Variants in EXTL3 observed in about 807,000 individuals in gnomAD.
EXTL3 encodes the protein exostosin like glycosyltransferase 3.
In EXTL3, 27 loss-of-function variants were observed where a neutral mutation model predicts 69.3. The ratio of observed to expected loss-of-function variants is 0.39; its 90% confidence interval spans 0.29 to 0.54. The LOEUF is 0.54. Ranked by LOEUF, EXTL3 falls within the 20% of genes least tolerant of loss-of-function variation. EXTL3 has a pLI of 0.69. For missense variants in EXTL3, 1,003 were observed against 1,231.8 expected, an observed-to-expected ratio of 0.81 and a Z score of 2.78; for synonymous variants, 511 against 499.4, an observed-to-expected ratio of 1.02 and a Z score of -0.31.
At chr8:28,738,418 C>T (rs901253360) in intron 5 of EXTL3, among the ~76,000 whole-genome samples, 7 of 152,214 alleles carry the variant, frequency 4.6e-5, no homozygotes, top group Non-Finnish European at 7.3e-5. Flanking sequence ...TCTTGAAATG[C>T]AGTTAGTTTG....
At chr8:28,675,980 C>T (rs1468257793) in intron 1 of EXTL3, among the ~76,000 whole-genome samples, 1 of 141,020 alleles carries the variant, frequency 7.1e-6, no homozygotes, top group East Asian at 2.1e-4. Flanking sequence ...CAAGATCATG[C>T]CACTGCTCTC....
chr8:28,684,283 A>C (rs945362983), intron 1 of EXTL3, among the ~76,000 whole-genome samples: 9 of 152,002 alleles, frequency 5.9e-5, no homozygotes, highest in African/African-American at 2.2e-4. Flanking sequence ...CTTTCTTTTG[A>C]GTATATACCC....
chr8:28,652,467 C>T (rs1806939406), intron 1 of EXTL3, among the ~76,000 whole-genome samples: 1 of 151,658 alleles, frequency 6.6e-6, no homozygotes, highest in East Asian at 1.9e-4. Context: ...GGCCAGCCTG[C>T]GCAACACAGG....
At chr8:28,646,888 C>T (rs2130595284) in intron 1 of EXTL3, among the ~76,000 whole-genome samples, 1 of 152,290 alleles carries the variant, frequency 6.6e-6, no homozygotes, top group East Asian at 1.9e-4. Flanking sequence ...CAACAAATTA[C>T]AGCTAAGTGC....
In EXTL3 at chr8:28,617,165, A is replaced by C. The variant is rs374630774; in HGVS notation, n.314+9407A>C. ...TTGCCCTGTCCTACTCATGCCAAAA[A>C]TTTCACCATGAATGAGTCATACCTG... On this transcript the variant is annotated intron_variant and non_coding_transcript_variant, in intron 2 of 4. Coordinates refer to the EXTL3 transcript ENST00000522725. 5.9e-4 allele frequency among the ~76,000 whole-genome samples: 90 copies of C among 152,236 alleles called. 4 individuals are homozygous for C. In the Middle Eastern group the frequency reaches 0.017, roughly 29 times the overall value.
At chr8:28,747,968 TC>T in intron 6 of EXTL3, among the ~76,000 whole-genome samples, 1 of 152,238 alleles carries the variant, frequency 6.6e-6, no homozygotes, top group African/African-American at 2.4e-5. Context: ...GCTCAAGTGA[TC>T]CGCCCACCTT....
chr8:28,617,797 TCAA>T (rs1237622582), upstream of EXTL3, among the ~76,000 whole-genome samples: 3 of 151,438 alleles, frequency 2.0e-5, no homozygotes, highest in African/African-American at 7.3e-5. Flanking sequence ...AAAACCAAAA[TCAA>T]CAACAATAAA....
chr8:28,656,920 C>G (rs908698197), intron 1 of EXTL3, among the ~76,000 whole-genome samples: 2 of 142,322 alleles, frequency 1.4e-5, no homozygotes, highest in South Asian at 2.2e-4. Context: ...TTCACACTCT[C>G]TCTCTCTCTT....
chr8:28,669,892 T>G (rs58176309), intron 1 of EXTL3, among the ~76,000 whole-genome samples: 4,186 of 152,178 alleles, frequency 0.028, 142 homozygotes, highest in African/African-American at 0.079. Flanking sequence ...TGTACTGAGA[T>G]GCCAGGTTGC....
chr8:28,740,123 T>A (rs997253515), intron 5 of EXTL3: 7 of 152,126 alleles, frequency 4.6e-5, no homozygotes, highest in African/African-American at 1.7e-4. Flanking sequence ...CTTCTAAAAA[T>A]CACAAGATTT....
intron 4 of EXTL3, among the ~76,000 whole-genome samples, chr8:28,733,175 ATG>A (rs1046134663): frequency 3.3e-5 from 5 of 151,920 alleles, no homozygotes; most frequent in Non-Finnish European, 7.4e-5. Flanking sequence ...CCTAAGAGTA[ATG>A]TGGGTGGATC....
chr8:28,638,432 C>T (rs187780650), intron 1 of EXTL3, among the ~76,000 whole-genome samples: 138 of 152,278 alleles, frequency 9.1e-4, no homozygotes, highest in African/African-American at 3.2e-3. Context: ...AAAGTAAGGT[C>T]GTCATGCTCA....
At position 28,751,063 on chromosome 8, in the gene EXTL3, G is replaced by A. The variant is rs577132949; in HGVS notation, c.*197G>A. Reference sequence around the variant, plus strand: ...CACACTGGGCCTGGAGCCCTGGGCGGAGTCCCCGGGGTTCCCCACACAGGG... The same window carrying A: ...CACACTGGGCCTGGAGCCCTGGGCGAAGTCCCCGGGGTTCCCCACACAGGG... On this transcript the variant is annotated 3_prime_UTR_variant, in exon 7 of 7. Transcript: ENST00000220562. The A allele has an allele frequency of 1.7e-6, 1 of 599,220 alleles. No individual in the cohort carries two copies. Among genetic ancestry groups the A allele is most frequent in the South Asian group, 2.0e-5 (1 of 50,706 alleles). 37.1% of individuals were successfully genotyped at this position (599,220 alleles called of 1,614,324 possible).
chr8:28,725,187 A>G (rs1801387972), intron 3 of EXTL3, among the ~76,000 whole-genome samples: 1 of 152,190 alleles, frequency 6.6e-6, no homozygotes, highest in Non-Finnish European at 1.5e-5. Flanking sequence ...TAATCTGAAA[A>G]GGGGCATTTC....
intron 1 of EXTL3, among the ~76,000 whole-genome samples, chr8:28,670,723 C>G (rs1807272798): frequency 2.0e-5 from 3 of 152,212 alleles, no homozygotes; most frequent in Admixed American, 1.3e-4. Flanking sequence ...GGCCCAAGCA[C>G]AGCAGGCTTT....
At chr8:28,657,376 G>T (rs923573562) in intron 1 of EXTL3, among the ~76,000 whole-genome samples, 2 of 152,194 alleles carry the variant, frequency 1.3e-5, no homozygotes, top group African/African-American at 2.4e-5. Context: ...AGTCATCTCT[G>T]CATCCACTGC....
intron 1 of EXTL3, among the ~76,000 whole-genome samples, chr8:28,704,860 G>C (rs1800886533): frequency 6.6e-6 from 1 of 152,140 alleles, no homozygotes; most frequent in Non-Finnish European, 1.5e-5. Flanking sequence ...AGTAGAGACT[G>C]GGTTTCACCA....
rs973016551 is a variant in EXTL3, at chr8:28,711,344, G to T, written c.-569-2113G>T. Among the ~76,000 whole-genome samples, 11 of 150,354 alleles carry T rather than the reference G, an allele frequency of 7.3e-5. No homozygotes were observed. In the East Asian group the frequency reaches 1.4e-3, roughly 19 times the overall value. On this transcript the variant is annotated intron_variant, in intron 1 of 6. Coordinates refer to ENST00000220562, the MANE Select transcript of EXTL3 (RefSeq NM_001440.4). ...GATTTCTGCTCTTTAGGTTTGTTTT[G>T]TTTTTTTTCTGGGTTCTTGAAGGAG...
chr8:28,703,213 G>A lies in EXTL3; in HGVS notation c.-570+1554G>A, dbSNP rs534155138. ...TGTGGCTCTTCAGACTTCCGGAAAC[G>A]TGCTTAATGTCCAGAGATGTGAGGG... On this transcript the variant is annotated intron_variant, in intron 1 of 6. Coordinates refer to ENST00000220562, the MANE Select transcript of EXTL3 (RefSeq NM_001440.4). 3.3e-5 allele frequency among the ~76,000 whole-genome samples: 5 copies of A among 152,232 alleles called. No individual in the cohort carries two copies. In the South Asian group the frequency reaches 1.0e-3, roughly 32 times the overall value.
Sources: allele counts gnomAD v4.1 joint callset (sites outside exome capture counted in the v4.1 genomes callset), GRCh38; gene constraint gnomAD v4.1.1; transcripts MANE v1.5; gene names NCBI Gene and HGNC (gene_info 2026-07-23, HGNC 2026-07-21).